Variants in WNT8B observed in about 807,000 individuals in gnomAD.
WNT8B encodes the protein protein Wnt-8b.
A neutral mutation model predicts 36.6 loss-of-function variants in WNT8B; 24 were observed. The observed-to-expected ratio is 0.66, with a 90% CI of 0.48 to 0.92. The LOEUF is 0.92. Ranked by LOEUF, WNT8B falls within the 40% of genes least tolerant of loss-of-function variation. The probability of loss-of-function intolerance (pLI) is 0.00; values close to 1 mark genes in which losing one functional copy is unlikely to be tolerated. For missense variants in WNT8B, 402 were observed against 470.8 expected (o/e 0.85, Z 1.35); for synonymous variants, 199 against 189.8 (o/e 1.05, Z -0.40).
Position 100,482,569 on chromosome 10 carries a change from G to C in WNT8B, c.809G>C (p.Arg270Pro). The change falls in exon 6 of 6, where the codon CGA (arginine) becomes CCA (proline). Residue 270 changes from arginine to proline, a missense_variant. Transcript: ENST00000343737. This position sits in a 1 kb window ranked among gnomAD's most constrained non-coding sequence, Gnocchi z 6.6. ...KTLGLLGTEG[R>P]ECLRRGRALG... Reference sequence around the variant, plus strand: ...CTAGGGCTGCTGGGCACCGAAGGCCGAGAGTGCCTAAGGCGCGGGCGGGCC... The same window carrying C: ...CTAGGGCTGCTGGGCACCGAAGGCCCAGAGTGCCTAAGGCGCGGGCGGGCC... The C allele has an allele frequency of 6.3e-7, 1 of 1,598,518 alleles. No homozygotes were observed. The highest frequency in any genetic ancestry group is 8.5e-7 in the Non-Finnish European group (1 of 1,178,450).
At position 100,482,813 on chromosome 10, in the gene WNT8B, C is replaced by T. The variant is rs56345133; in HGVS notation, c.1053C>T (p.Pro351=). 6.5e-7 allele frequency: 1 copy of T among 1,548,274 alleles called. No homozygotes were observed. ...GGAAHKPGRK[P] is the part of the protein sequence containing the mutation. ...CTGCGCACAAACCCGGGAGAAAACC[C>T]TAAGGGTTTCCTCTGCCCCCTCCTT... Residue 351 remains proline, a synonymous_variant, in exon 6 of 6, where the codon CCC becomes CCT. Coordinates refer to ENST00000343737, the MANE Select transcript of WNT8B (RefSeq NM_003393.4). This position sits in a 1 kb window ranked among gnomAD's most constrained non-coding sequence, Gnocchi z 6.6.
chr10:100,482,999 CCT>C lies in WNT8B; in HGVS notation c.*184_*185del. On this transcript the variant is annotated 3_prime_UTR_variant, in exon 6 of 6. Coordinates refer to ENST00000343737, the MANE Select transcript of WNT8B (RefSeq NM_003393.4). This position sits in a 1 kb window ranked among gnomAD's most constrained non-coding sequence, Gnocchi z 6.6. ...TGTTTCCCCAATTCCTCTGTGCTCT[CCT>C]AGAGCTCTGTCTGAATCCTCGCAGC... The C allele has an allele frequency of 3.1e-6, 2 of 655,372 alleles. No individual in the cohort carries two copies. Among genetic ancestry groups the C allele is most frequent in the Non-Finnish European group, 4.8e-6 (2 of 414,800 alleles). The allele number at this position is 655,372 out of a possible 1,614,324, so 40.6% of individuals were successfully genotyped here.
At chr10:100,479,767 C>T in intron 2 of WNT8B, 107 bp from the exon 3 acceptor site, 1 of 1,387,438 alleles carries the variant, frequency 7.2e-7, no homozygotes, top group Non-Finnish European at 9.8e-7. Flanking sequence ...AGGCTTACTC[C>T]ATTATTTTGG....
chr10:100,463,188 C>A lies in WNT8B; in HGVS notation c.20C>A (p.Ser7Tyr). The A allele has an allele frequency of 6.2e-7, 1 of 1,613,944 alleles. No individual in the cohort carries two copies. Among genetic ancestry groups the A allele is most frequent in the African/African-American group, 1.3e-5 (1 of 75,014 alleles). MFLSKP[S>Y]VYICLFTCVL... ...AGGATTATGTTTCTTTCAAAGCCTT[C>A]TGTGTACATCTGTCTTTTCACCTGT... Residue 7 changes from serine to tyrosine, a missense_variant, in exon 1 of 6, where the codon TCT (serine) becomes TAT (tyrosine). Ser to Tyr is a moderately radical substitution (Grantham distance 144). Around this residue, in one of 3 missense-constraint regions of WNT8B, gnomAD observed 131 missense variants for 152.6 expected, o/e 0.86. Coordinates refer to ENST00000343737, the MANE Select transcript of WNT8B (RefSeq NM_003393.4).
At chr10:100,474,333 T>C (rs1851009806) in intron 1 of WNT8B, among the ~76,000 whole-genome samples, 1 of 137,956 alleles carries the variant, frequency 7.2e-6, no homozygotes, top group East Asian at 2.0e-4. Flanking sequence ...AAAATTTATA[T>C]CTTAAATTTA....
chr10:100,468,874 C>T (rs994448264), intron 1 of WNT8B, among the ~76,000 whole-genome samples: 5 of 152,142 alleles, frequency 3.3e-5, no homozygotes, highest in African/African-American at 9.7e-5. Flanking sequence ...GCCGGATTTG[C>T]GATAATGTGG....
intron 1 of WNT8B, among the ~76,000 whole-genome samples, chr10:100,464,065 C>G (rs2133647796): frequency 6.6e-6 from 1 of 152,300 alleles, no homozygotes; most frequent in African/African-American, 2.4e-5. Flanking sequence ...CAGTCTCTCT[C>G]TTCATCAGCT....
At chr10:100,473,024 GTCTA>G (rs1307026506) in intron 1 of WNT8B, among the ~76,000 whole-genome samples, 2 of 152,106 alleles carry the variant, frequency 1.3e-5, no homozygotes, top group Non-Finnish European at 2.9e-5. Context: ...GCATCTGATG[GTCTA>G]TCTTTTTTAT....
At chr10:100,468,805 T>C (rs1014789798) in intron 1 of WNT8B, among the ~76,000 whole-genome samples, 1 of 152,258 alleles carries the variant, frequency 6.6e-6, no homozygotes, top group East Asian at 1.9e-4. Context: ...CAAAGATCCA[T>C]GGTACAGAGT....
rs1278375066 is a variant in WNT8B, at chr10:100,479,997, G to T, written c.226G>T (p.Gly76Cys). 1 of 1,613,486 alleles carries T rather than the reference G, an allele frequency of 6.2e-7. No individual in the cohort carries two copies. Among genetic ancestry groups the T allele is most frequent in the South Asian group, 1.1e-5 (1 of 91,030 alleles). Residue 76 changes from glycine to cysteine, a missense_variant, in exon 3 of 6, where the codon GGT becomes TGT. Transcript: ENST00000343737. ...PERALQLSSH[G>C]GLRSANRETA... is the part of the protein sequence containing the mutation. ...GAGAGCCCTGCAGCTGTCCAGCCATGGTGGGCTTCGCAGTGGTAAGAAAAA... is the reference window on the plus strand; with the variant it reads ...GAGAGCCCTGCAGCTGTCCAGCCATTGTGGGCTTCGCAGTGGTAAGAAAAA...
intron 1 of WNT8B, among the ~76,000 whole-genome samples, chr10:100,470,914 T>TGTATTTTTAGTATTTAGTATTTTA (rs1850970273): frequency 6.6e-6 from 1 of 152,196 alleles, no homozygotes; most frequent in South Asian, 2.1e-4. Flanking sequence ...AGCTAATTTT[T>TGTATTTTTAGTATTTAGTATTTTA]GTATTTTTAG....
At chr10:100,480,352 T>C (rs1851094493) in intron 3 of WNT8B, among the ~76,000 whole-genome samples, 1 of 152,130 alleles carries the variant, frequency 6.6e-6, no homozygotes, top group South Asian at 2.1e-4. Flanking sequence ...CTTAGCCCCT[T>C]CCTCAGCAGA....
Position 100,483,119 on chromosome 10 carries a change from A to C in WNT8B, c.*303A>C. 2.8e-6 allele frequency: 1 copy of C among 352,536 alleles called. No individual in the cohort carries two copies. Among genetic ancestry groups the C allele is most frequent in the African/African-American group, 2.1e-5 (1 of 47,044 alleles). The allele number at this position is 352,536 out of a possible 1,614,324, so 21.8% of individuals were successfully genotyped here. ...CTCCTCCCCTCTCCTAGCAGCCCTA[A>C]TGTCTGACCTAGCCTATCAAGCCTT... is the stretch of plus-strand genomic sequence containing the variant. On this transcript the variant is annotated 3_prime_UTR_variant, in exon 6 of 6. Transcript: ENST00000343737.
intron 3 of WNT8B, 137 bp downstream of exon 3, chr10:100,480,149 C>T (rs1315624573): frequency 2.6e-6 from 3 of 1,143,894 alleles, no homozygotes; most frequent in Non-Finnish European, 2.4e-6. Flanking sequence ...CCAGGATCTT[C>T]TCTTTTCCTT....
At chr10:100,467,114 C>T (rs1459077807) in intron 1 of WNT8B, among the ~76,000 whole-genome samples, 1 of 152,134 alleles carries the variant, frequency 6.6e-6, no homozygotes, top group Non-Finnish European at 1.5e-5. Flanking sequence ...TCAACGGAAA[C>T]TACCATCCAC....
In WNT8B at chr10:100,482,588, G is replaced by A; in HGVS notation, c.828G>A (p.Gly276=). ...GTEGRECLRR[G]RALGRWERRS... ...AAGGCCGAGAGTGCCTAAGGCGCGG[G>A]CGGGCCCTGGGTCGCTGGGAACGCC... Residue 276 remains glycine (G), a synonymous_variant, in exon 6 of 6, where the codon GGG becomes GGA. Coordinates refer to ENST00000343737, the MANE Select transcript of WNT8B (RefSeq NM_003393.4). This position sits in a 1 kb window ranked among gnomAD's most constrained non-coding sequence, Gnocchi z 6.6. 6.3e-7 allele frequency: 1 copy of A among 1,597,982 alleles called. No homozygotes were observed. Among genetic ancestry groups the A allele is most frequent in the Non-Finnish European group, 8.5e-7 (1 of 1,177,708 alleles).
rs1851103102 is a variant in WNT8B, at chr10:100,481,044, C to G, written c.288C>G (p.Val96=). Residue 96 remains valine (V), a synonymous_variant, in exon 4 of 6, where the codon GTC becomes GTG. Transcript: ENST00000343737. ...AFVHAISSAG[V]MYTLTRNCSL... ...TGCATGCCATCAGTTCTGCTGGAGT[C>G]ATGTACACCCTGACTAGAAACTGCA... 6.2e-7 allele frequency: 1 copy of G among 1,613,932 alleles called. No homozygotes were observed. Among genetic ancestry groups the G allele is most frequent in the South Asian group, 1.1e-5 (1 of 91,076 alleles).
In WNT8B at chr10:100,478,224, C is replaced by T. The variant is rs143354705; in HGVS notation, c.69-828C>T. 3.5e-3 allele frequency among the ~76,000 whole-genome samples: 538 copies of T among 152,280 alleles called. 2 individuals carry two copies. The highest frequency in any genetic ancestry group is 0.012 in the African/African-American group (500 of 41,544). On this transcript the variant is annotated intron_variant, in intron 1 of 5. Transcript: ENST00000343737. ...CCTAATTAGAGAAGTATCCTTCTAA[C>T]GTCCCACGGAGTCAGATGAATGTGG...
chr10:100,476,683 T>C, intron 1 of WNT8B, among the ~76,000 whole-genome samples: 1 of 152,256 alleles, frequency 6.6e-6, no homozygotes. Flanking sequence ...GATTTTCAAA[T>C]GCCTATACTG....
Sources: gnomAD v4.1 joint callset for allele counts (sites outside exome capture counted in the v4.1 genomes callset) on GRCh38, gnomAD v4.1.1 for gene constraint, gnomAD v4.1.1 regional missense constraint, Gnocchi (gnomAD v3.1) non-coding constraint, MANE v1.5 for transcripts, NCBI Gene and HGNC (gene_info 2026-07-23, HGNC 2026-07-21) for gene names.